Variants in L3MBTL3 observed in about 807,000 individuals in gnomAD.
L3MBTL3 encodes the protein lethal(3)malignant brain tumor-like protein 3.
L3MBTL3 carries 27 observed loss-of-function variants against 102.3 expected under a neutral mutation model. The ratio of observed to expected loss-of-function variants is 0.26; its 90% CI spans 0.19 to 0.36. The LOEUF (loss-of-function observed/expected upper bound fraction) is 0.36, where lower values mean the gene tolerates loss of function less well. L3MBTL3 is among the 10% of genes least tolerant of loss of function. L3MBTL3 has a pLI of 1.00. For missense variants in L3MBTL3, 798 were observed against 955.3 expected, an observed-to-expected ratio of 0.84 and a Z score of 2.17; for synonymous variants, 340 against 320.9, an observed-to-expected ratio of 1.06 and a Z score of -0.64.
chr6:130,106,991 G>T (rs1785023215), intron 19 of L3MBTL3, among the ~76,000 whole-genome samples: 1 of 152,148 alleles, frequency 6.6e-6, no homozygotes, highest in Non-Finnish European at 1.5e-5. Flanking sequence ...TGATTATTGT[G>T]AAAATGATCA....
chr6:130,029,723 G>T (rs554421899), intron 2 of L3MBTL3, among the ~76,000 whole-genome samples: 2 of 152,196 alleles, frequency 1.3e-5, no homozygotes, highest in South Asian at 4.2e-4. Context: ...ATTGGCCTTC[G>T]CACAGTTTTC....
chr6:130,121,387 T>TC (rs200886979), intron 20 of L3MBTL3, among the ~76,000 whole-genome samples: 2 of 152,208 alleles, frequency 1.3e-5, no homozygotes, highest in East Asian at 3.8e-4. Context: ...CCATCCATGT[T>TC]CCCGCAGAAG....
At chr6:130,118,313 A>G (rs1285889191) in intron 19 of L3MBTL3, among the ~76,000 whole-genome samples, 3 of 152,212 alleles carry the variant, frequency 2.0e-5, no homozygotes, top group Non-Finnish European at 2.9e-5. Context: ...AAGGCGTGTT[A>G]TAAAATATGG....
chr6:130,027,111 T>C (rs1438215564), intron 2 of L3MBTL3, among the ~76,000 whole-genome samples: 2 of 152,170 alleles, frequency 1.3e-5, no homozygotes, highest in Non-Finnish European at 2.9e-5. Context: ...TTTTGACTCA[T>C]CGGGTGGTTT....
At chr6:130,054,291 G>A (rs1005365350) in intron 7 of L3MBTL3, among the ~76,000 whole-genome samples, 5 of 152,200 alleles carry the variant, frequency 3.3e-5, no homozygotes, top group African/African-American at 9.7e-5. Flanking sequence ...AGGGCATGTA[G>A]GGTTTTATGG....
At chr6:130,043,337 C>T (rs4895864) in intron 3 of L3MBTL3, among the ~76,000 whole-genome samples, 71,309 of 151,612 alleles carry the variant, frequency 0.47, 19,372 homozygotes, top group East Asian at 0.76. Context: ...CCTGTAAATC[C>T]GTCTGCCTAA....
chr6:130,092,727 T>C lies in L3MBTL3; in HGVS notation c.1519-18T>C, dbSNP rs776321494. ...TTTATGACTTAATTTGTACTGTTAA[T>C]GTCCTTGTGTCATCCAGGTTCACTT... is the stretch of plus-strand genomic sequence containing the variant. On this transcript the variant is annotated intron_variant, in intron 16 of 22. Transcript: ENST00000361794. 4.7e-6 allele frequency: 7 copies of C among 1,500,166 alleles called. No homozygotes were observed. Among genetic ancestry groups the C allele is most frequent in the Non-Finnish European group, 6.5e-6 (7 of 1,077,074 alleles). 92.9% of individuals were successfully genotyped at this position (1,500,166 alleles called of 1,614,324 possible).
At chr6:130,062,006 T>C (rs1166930095) in intron 10 of L3MBTL3, among the ~76,000 whole-genome samples, 1 of 152,190 alleles carries the variant, frequency 6.6e-6, no homozygotes, top group Non-Finnish European at 1.5e-5. Flanking sequence ...GGGGACAGAA[T>C]TGAGTTTTAC....
At chr6:130,138,437 CTCTT>C (rs1216578274) in intron 22 of L3MBTL3, 1 of 152,244 alleles carries the variant, frequency 6.6e-6, no homozygotes, top group Non-Finnish European at 1.5e-5. Flanking sequence ...ATGGTGGTCT[CTCTT>C]TGGGTCTTTA....
chr6:130,088,019 A>G (rs1361132766), intron 16 of L3MBTL3, among the ~76,000 whole-genome samples: 1 of 152,138 alleles, frequency 6.6e-6, no homozygotes, highest in Non-Finnish European at 1.5e-5. Flanking sequence ...CTTATTTTAC[A>G]TATGAGAAAT....
chr6:130,126,877 G>T (rs1360276662), intron 20 of L3MBTL3, among the ~76,000 whole-genome samples: 2 of 152,154 alleles, frequency 1.3e-5, no homozygotes, highest in African/African-American at 4.8e-5. Context: ...GCAAATATGA[G>T]ACTCAAGTCC....
chr6:130,080,970 G>A (rs1783301044), intron 14 of L3MBTL3, among the ~76,000 whole-genome samples: 1 of 152,174 alleles, frequency 6.6e-6, no homozygotes, highest in Admixed American at 6.5e-5. Flanking sequence ...CTGAAAAGAA[G>A]GATTCTAATC....
rs1031317230 is a variant in L3MBTL3 at position 130,125,083 on chromosome 6, G to A, written c.1966+4125G>A. ...AGCGGGGTCCTGGAGGCTCCGTGCT[G>A]TAACAGAAGTTATGCTTAGATGCTG... On this transcript the variant is annotated intron_variant, in intron 20 of 22. Transcript: ENST00000361794. Among the ~76,000 whole-genome samples the A allele has an allele frequency of 3.9e-5, 6 of 152,328 alleles. No individual in the cohort carries two copies. The South Asian group carries it at 6.2e-4, about 16-fold the overall frequency.
chr6:130,105,049 T>G (rs1371517013), intron 19 of L3MBTL3, among the ~76,000 whole-genome samples: 1 of 152,194 alleles, frequency 6.6e-6, no homozygotes, highest in Non-Finnish European at 1.5e-5. Context: ...GCCCAGTCAT[T>G]TAGTTTTTAC....
chr6:130,068,183 G>T (rs1435928260), intron 11 of L3MBTL3, 147 bp from the exon 12 acceptor site: 1 of 550,716 alleles, frequency 1.8e-6, no homozygotes, highest in African/African-American at 1.9e-5. Flanking sequence ...GTCTAAATAT[G>T]CATAGTTATG....
intron 1 of L3MBTL3, among the ~76,000 whole-genome samples, chr6:130,022,000 G>A (rs942793826): frequency 2.6e-5 from 4 of 152,202 alleles, no homozygotes; most frequent in Admixed American, 6.5e-5. Context: ...CAACAGGAGA[G>A]ACGTTATTGG....
At position 130,075,696 on chromosome 6, in the gene L3MBTL3, G is replaced by T. The variant is rs76661166; in HGVS notation, c.1245-2862G>T. The stretch of plus-strand genomic sequence containing the variant: ...GGTTCCCTGCACCATGAGCATTTTT[G>T]AGCTTGGTTTTTAGGCAGAAGGCAG... On this transcript the variant is annotated intron_variant, in intron 13 of 22. Transcript: ENST00000361794. 2.0e-5 allele frequency among the ~76,000 whole-genome samples: 3 copies of T among 152,244 alleles called. No homozygotes were observed. The South Asian group carries it at 6.2e-4, about 32-fold the overall frequency.
chr6:130,040,509 A>G (rs971579480), intron 2 of L3MBTL3, among the ~76,000 whole-genome samples: 5 of 152,136 alleles, frequency 3.3e-5, no homozygotes, highest in African/African-American at 9.7e-5. Flanking sequence ...CACATCCATT[A>G]CTATCACCAC....
At chr6:130,055,313 A>C in intron 8 of L3MBTL3, 58 bp downstream of exon 8, 1 of 1,349,070 alleles carries the variant, frequency 7.4e-7, no homozygotes, top group Non-Finnish European at 1.0e-6. Context: ...AATGGTTCAC[A>C]CAGGTGGAAA....
Sources: gnomAD v4.1 joint callset for allele counts (sites outside exome capture counted in the v4.1 genomes callset) on GRCh38, gnomAD v4.1.1 for gene constraint, MANE v1.5 for transcripts, NCBI Gene and HGNC (gene_info 2026-07-23, HGNC 2026-07-21) for gene names.